Variants in SLC4A4 observed in about 807,000 individuals in gnomAD.
SLC4A4 encodes solute carrier family 4 member 4.
Under a neutral mutation model 111.5 loss-of-function variants are expected in SLC4A4, and 27 were observed. The ratio of observed to expected loss-of-function variants is 0.24; its 90% CI spans 0.18 to 0.33. SLC4A4 has a LOEUF of 0.33. SLC4A4 is among the 10% of genes least tolerant of loss of function. The probability of loss-of-function intolerance (pLI) is 1.00; values close to 1 mark genes in which losing one functional copy is unlikely to be tolerated. For missense variants in SLC4A4, 909 were observed against 1,315.5 expected (o/e 0.69, Z 4.78); for synonymous variants, 443 against 463.4 (o/e 0.96, Z 0.57).
chr4:71,114,635 G>A (rs1578493244), intron 2 of SLC4A4, among the ~76,000 whole-genome samples: 2 of 150,436 alleles, frequency 1.3e-5, no homozygotes, highest in African/African-American at 5.0e-5. Flanking sequence ...ACCACAATGA[G>A]CTACCATCTC....
At chr4:71,557,401 C>T (rs1178872821) in intron 21 of SLC4A4, among the ~76,000 whole-genome samples, 2 of 151,868 alleles carry the variant, frequency 1.3e-5, no homozygotes, top group African/African-American at 2.4e-5. Context: ...ATCCACTTTC[C>T]TGAGACTCAG....
In SLC4A4 at chr4:71,319,738, T is replaced by C. The variant is rs142495893; in HGVS notation, c.254-19632T>C. Among the ~76,000 whole-genome samples, 282 of 152,166 alleles carry C rather than the reference T, an allele frequency of 1.9e-3. 2 individuals are homozygous for C. The highest frequency in any genetic ancestry group is 6.5e-3 in the African/African-American group (269 of 41,538). ...TCGCAAAATTTGATTCCTCCAGCCA[T>C]GGATGTACCTTTAGTATTCTCTTCA... On this transcript the variant is annotated intron_variant, in intron 3 of 25. Coordinates refer to ENST00000264485, the MANE Select transcript of SLC4A4 (RefSeq NM_001098484.3).
intron 1 of SLC4A4, among the ~76,000 whole-genome samples, chr4:71,085,502 T>A (rs1362608914): frequency 1.3e-5 from 2 of 152,050 alleles, no homozygotes; most frequent in African/African-American, 2.4e-5. Flanking sequence ...CTGAATGGTA[T>A]TGCCTAGGTT....
At chr4:71,109,598 G>A (rs375363825) in intron 2 of SLC4A4, among the ~76,000 whole-genome samples, 6 of 151,196 alleles carry the variant, frequency 4.0e-5, no homozygotes, top group Non-Finnish European at 7.4e-5. Flanking sequence ...GCCAGAGTAC[G>A]GTGGCACCAT....
chr4:71,429,390 T>C (rs545548100), intron 7 of SLC4A4, among the ~76,000 whole-genome samples: 1 of 152,230 alleles, frequency 6.6e-6, no homozygotes, highest in East Asian at 1.9e-4. Context: ...TGGGTTGTTG[T>C]TGGAAAACCA....
chr4:71,496,608 T>C (rs768690669), intron 15 of SLC4A4, among the ~76,000 whole-genome samples: 4 of 151,986 alleles, frequency 2.6e-5, no homozygotes, highest in Non-Finnish European at 4.4e-5. Context: ...AAAAGACAGC[T>C]GTGAATTAAG....
At chr4:71,525,131 T>G (rs1472779112) in intron 16 of SLC4A4, among the ~76,000 whole-genome samples, 1 of 152,174 alleles carries the variant, frequency 6.6e-6, no homozygotes, top group African/African-American at 2.4e-5. Flanking sequence ...TCATGGATAT[T>G]ATGTTTATAA....
chr4:71,486,469 A>AT (rs1318212208), intron 14 of SLC4A4, among the ~76,000 whole-genome samples: 1 of 151,504 alleles, frequency 6.6e-6, no homozygotes, highest in Admixed American at 6.6e-5. Flanking sequence ...GTTTTCACAC[A>AT]TTTTGCAAAG....
At chr4:71,245,587 G>A (rs559789846) in intron 2 of SLC4A4, among the ~76,000 whole-genome samples, 1 of 152,162 alleles carries the variant, frequency 6.6e-6, no homozygotes, top group Non-Finnish European at 1.5e-5. Flanking sequence ...AGAGTGGTGG[G>A]GGATGATAGG....
intron 7 of SLC4A4, among the ~76,000 whole-genome samples, chr4:71,403,185 A>G (rs1399397121): frequency 1.3e-5 from 2 of 152,154 alleles, no homozygotes; most frequent in East Asian, 1.9e-4. Context: ...CTCGTGTATT[A>G]TTTTAGGAAA....
At chr4:71,535,909 C>A (rs1734374330) in intron 18 of SLC4A4, among the ~76,000 whole-genome samples, 1 of 152,020 alleles carries the variant, frequency 6.6e-6, no homozygotes, top group African/African-American at 2.4e-5. Context: ...AAGAACAAAT[C>A]TCTGCAAGAA....
intron 3 of SLC4A4, among the ~76,000 whole-genome samples, chr4:71,333,857 A>C (rs1162175990): frequency 1.4e-5 from 2 of 143,530 alleles, no homozygotes; most frequent in African/African-American, 4.9e-5. Flanking sequence ...CAAGCTGGCT[A>C]TTCAGTCAGC....
At chr4:71,201,733 C>T (rs182549663) in intron 1 of SLC4A4, among the ~76,000 whole-genome samples, 57 of 152,098 alleles carry the variant, frequency 3.7e-4, no homozygotes, top group African/African-American at 1.2e-3. Flanking sequence ...TTAATACTCT[C>T]CTTATTTTTT....
chr4:71,340,963 T>G (rs753969192), intron 4 of SLC4A4, among the ~76,000 whole-genome samples: 6 of 152,176 alleles, frequency 3.9e-5, no homozygotes, highest in South Asian at 2.1e-4. Flanking sequence ...GATTCAGAGA[T>G]ATTCTCCAGG....
intron 3 of SLC4A4, among the ~76,000 whole-genome samples, chr4:71,288,561 C>T (rs1963941): frequency 0.032 from 4,854 of 151,924 alleles, 279 homozygotes; most frequent in African/African-American, 0.11. Context: ...ACCATGCCTG[C>T]CTAATTTTTG....
intron 2 of SLC4A4, among the ~76,000 whole-genome samples, chr4:71,126,513 T>G (rs533320169): frequency 6.6e-6 from 1 of 152,204 alleles, no homozygotes; most frequent in African/African-American, 2.4e-5. Flanking sequence ...TTCTTTTAAG[T>G]TGGGAAACAT....
At chr4:71,395,603 C>T (rs1719749114) in intron 6 of SLC4A4, among the ~76,000 whole-genome samples, 2 of 152,158 alleles carry the variant, frequency 1.3e-5, no homozygotes, top group African/African-American at 2.4e-5. Flanking sequence ...ATCAAGATTA[C>T]AATTATAATG....
intron 1 of SLC4A4, among the ~76,000 whole-genome samples, chr4:71,081,113 A>G (rs1741983538): frequency 6.6e-6 from 1 of 152,064 alleles, no homozygotes; most frequent in Non-Finnish European, 1.5e-5. Flanking sequence ...TGTTTCATAA[A>G]CATGCCATTT....
At chr4:71,538,709 G>A (rs1429958433) in intron 18 of SLC4A4, among the ~76,000 whole-genome samples, 2 of 152,038 alleles carry the variant, frequency 1.3e-5, no homozygotes, top group East Asian at 3.9e-4. Context: ...CCGGTCAAGT[G>A]GCTCTGGCTG....
Sources: gnomAD v4.1 joint callset for allele counts (sites outside exome capture counted in the v4.1 genomes callset) on GRCh38, gnomAD v4.1.1 for gene constraint, MANE v1.5 for transcripts, NCBI Gene and HGNC (gene_info 2026-07-23, HGNC 2026-07-21) for gene names.